The following USP34 variants were observed in gnomAD, a reference collection of about 807,000 sequenced individuals.
USP34 encodes the protein ubiquitin carboxyl-terminal hydrolase 34.
Under a neutral mutation model 460.3 loss-of-function variants are expected in USP34, and 70 were observed. The ratio of observed to expected loss-of-function variants is 0.15; its 90% CI spans 0.13 to 0.19. USP34 has a LOEUF of 0.19. Ranked by LOEUF, USP34 falls within the 10% of genes least tolerant of loss-of-function variation. The pLI is 1.00. For missense variants in USP34, 3,985 were observed against 4,236.2 expected (o/e 0.94, Z 1.65); for synonymous variants, 1,647 against 1,405.3 (o/e 1.17, Z -3.85).
At chr2:61,243,593 G>A (rs1688336548) in intron 51 of USP34, among the ~76,000 whole-genome samples, 1 of 148,478 alleles carries the variant, frequency 6.7e-6, no homozygotes, top group African/African-American at 2.5e-5. Flanking sequence ...GAAACATTCG[G>A]CTGAGTACGG....
rs752888887 is a variant in USP34, at chr2:61,370,313, A to C, written c.1251+8T>G. On this transcript the variant is annotated splice_region_variant and intron_variant, in intron 10 of 79. Transcript: ENST00000398571. ...AAGCACTCAATAAATGTGAGCTGTT[A>C]ATATTACCTGTGCTGCAGCCCAAAT... 7 of 1,612,420 alleles carry C rather than the reference A, an allele frequency of 4.3e-6. No individual in the cohort carries two copies. The highest frequency in any genetic ancestry group is 5.9e-6 in the Non-Finnish European group (7 of 1,179,136).
chr2:61,365,664 C>T (rs1692415019), intron 10 of USP34, among the ~76,000 whole-genome samples: 1 of 152,042 alleles, frequency 6.6e-6, no homozygotes, highest in Non-Finnish European at 1.5e-5. Context: ...AAGGATTTGT[C>T]AGAGTCACAT....
intron 58 of USP34, 46 bp downstream of exon 58, chr2:61,232,406 G>A: frequency 1.4e-6 from 2 of 1,439,102 alleles, no homozygotes; most frequent in Middle Eastern, 1.8e-4. Context: ...TAAATTGAAA[G>A]TAACTTCTTT....
At chr2:61,394,242 A>T (rs767871006) in intron 5 of USP34, among the ~76,000 whole-genome samples, 1 of 152,228 alleles carries the variant, frequency 6.6e-6, no homozygotes, top group Non-Finnish European at 1.5e-5. Flanking sequence ...TACAATCTTC[A>T]TGTGTAAGAG....
chr2:61,204,710 TCTAAAA>T (rs1161294686), intron 72 of USP34, 109 bp from the exon 73 acceptor site: 4 of 815,066 alleles, frequency 4.9e-6, no homozygotes, highest in Non-Finnish European at 8.0e-6. Flanking sequence ...GTTTAATGAG[TCTAAAA>T]CTAAGCTCCT....
chr2:61,467,033 C>T (rs1191952720), intron 1 of USP34, among the ~76,000 whole-genome samples: 2 of 152,044 alleles, frequency 1.3e-5, no homozygotes, highest in Admixed American at 6.6e-5. Context: ...TGGCCAGGCG[C>T]GGTGGCTCAC....
In USP34 at chr2:61,394,999, C is replaced by T. The variant is rs1693472915; in HGVS notation, c.607G>A (p.Val203Ile). The T allele has an allele frequency of 5.7e-6, 9 of 1,579,220 alleles. No homozygotes were observed. In the East Asian group the frequency reaches 1.6e-4, roughly 28 times the overall value. The change falls in exon 5 of 80, where the codon GTA (valine) becomes ATA (isoleucine). Residue 203 changes from valine to isoleucine, a missense_variant. By Grantham distance (29) the Val-to-Ile change is conservative. Around this residue, in one of 14 missense-constraint regions of USP34, gnomAD observed 331 missense variants for 293.7 expected, o/e 1.13. Transcript: ENST00000398571. ...CGAAGCAAATGCAATGGTACTTCTA[C>T]ATCCTGGGAAAATAAAGAAAACATG... ...ILGAFCDMND[V>I]EVPLHLLRYV...
chr2:61,291,275 T>G (rs1689842748), intron 33 of USP34, among the ~76,000 whole-genome samples: 1 of 152,026 alleles, frequency 6.6e-6, no homozygotes, highest in Non-Finnish European at 1.5e-5. Flanking sequence ...CTAGGATAGC[T>G]AAAATAAAAG....
chr2:61,462,181 G>C (rs1045933500), intron 1 of USP34, among the ~76,000 whole-genome samples: 4 of 151,520 alleles, frequency 2.6e-5, no homozygotes, highest in Admixed American at 6.6e-5. Context: ...GGAGGTTGCA[G>C]TGAGCCAAGA....
Position 61,278,248 on chromosome 2 carries a change from C to T in USP34, c.5350G>A (p.Asp1784Asn), listed in dbSNP as rs908035514. Residue 1784 changes from aspartate to asparagine, a missense_variant, in exon 41 of 80, where the codon GAT (aspartate) becomes AAT (asparagine). By Grantham distance (23) the Asp-to-Asn change is conservative. Transcript: ENST00000398571. Reference protein sequence around the residue: ...ILDHQDGNVEDDGLTGLLRLA... With the variant: ...ILDHQDGNVENDGLTGLLRLA... ...CTTAGGAGTCCTGTAAGCCCATCATCTTCTACATTACCATCCTGATGATCA... is the reference window on the plus strand; with the variant it reads ...CTTAGGAGTCCTGTAAGCCCATCATTTTCTACATTACCATCCTGATGATCA... 2 of 1,613,594 alleles carry T rather than the reference C, an allele frequency of 1.2e-6. No individual in the cohort carries two copies. The highest frequency in any genetic ancestry group is 1.7e-6 in the Non-Finnish European group (2 of 1,179,782).
Position 61,188,199 on chromosome 2 carries a change from T to C in USP34, c.10544A>G (p.Gln3515Arg). Reference protein sequence around the residue: ...GHSRGLFSHMQQHDILDTLCR... With the variant: ...GHSRGLFSHMRQHDILDTLCR... ...CAGGGTATCTAAAATGTCATGTTGC[T>C]GCATATGACTAAAGAGTCCTCTGGA... is the stretch of plus-strand genomic sequence containing the variant. The change falls in exon 80 of 80, where the codon CAG (glutamine) becomes CGG (arginine). Residue 3515 changes from glutamine (Q) to arginine (R), a missense_variant. Transcript: ENST00000398571. 1 of 1,614,186 alleles carries C rather than the reference T, an allele frequency of 6.2e-7. No homozygotes were observed. Among genetic ancestry groups the C allele is most frequent in the Non-Finnish European group, 8.5e-7 (1 of 1,180,052 alleles).
Position 61,228,630 on chromosome 2 carries a change from T to A in USP34, c.7443+15A>T. On this transcript the variant is annotated intron_variant, in intron 61 of 79. Transcript: ENST00000398571. ...AGAGCCTCTAATACCTAATGTACGA[T>A]AGAACTGTACTTACATTTTCAGGTC... is the stretch of plus-strand genomic sequence containing the variant. 2.5e-6 allele frequency: 4 copies of A among 1,605,182 alleles called. No individual in the cohort carries two copies. Among genetic ancestry groups the A allele is most frequent in the Non-Finnish European group, 3.4e-6 (4 of 1,175,328 alleles).
intron 35 of USP34, 150 bp downstream of exon 35, chr2:61,284,725 T>A: frequency 1.7e-6 from 1 of 579,090 alleles, no homozygotes; most frequent in Non-Finnish European, 3.0e-6. Flanking sequence ...AACAGGTTAA[T>A]AATACGTAAA....
At chr2:61,257,952 G>A (rs1688765220) in intron 44 of USP34, among the ~76,000 whole-genome samples, 2 of 152,228 alleles carry the variant, frequency 1.3e-5, no homozygotes, top group East Asian at 1.9e-4. Flanking sequence ...TTTACAGGCC[G>A]AATAAACTTT....
chr2:61,197,530 A>G (rs759664656), intron 75 of USP34, among the ~76,000 whole-genome samples: 1 of 152,174 alleles, frequency 6.6e-6, no homozygotes, highest in Non-Finnish European at 1.5e-5. Flanking sequence ...CCGCAACTTC[A>G]GTCCATTTGT....
chr2:61,428,783 G>A (rs1336311715), intron 1 of USP34, among the ~76,000 whole-genome samples: 1 of 152,162 alleles, frequency 6.6e-6, no homozygotes, highest in East Asian at 1.9e-4. Flanking sequence ...TAGCTATGCC[G>A]ATTCAGAGGT....
intron 2 of USP34, among the ~76,000 whole-genome samples, chr2:61,417,761 T>A (rs1387344775): frequency 2.0e-4 from 20 of 100,256 alleles, no homozygotes; most frequent in East Asian, 6.3e-4. Context: ...TTTTTTTTTT[T>A]AGACAAAGTC....
At chr2:61,284,318 C>G (rs960639479) in intron 35 of USP34, among the ~76,000 whole-genome samples, 4 of 151,944 alleles carry the variant, frequency 2.6e-5, no homozygotes, top group Non-Finnish European at 4.4e-5. Context: ...CATGAAAACT[C>G]AAACTGAAAA....
At chr2:61,380,634 G>A (rs1336568721) in intron 6 of USP34, among the ~76,000 whole-genome samples, 2 of 152,134 alleles carry the variant, frequency 1.3e-5, no homozygotes, top group Non-Finnish European at 2.9e-5. Flanking sequence ...TTTGCAATGT[G>A]ACTTTGCTAT....
Sources: gnomAD v4.1 joint callset for allele counts (sites outside exome capture counted in the v4.1 genomes callset) on GRCh38, gnomAD v4.1.1 for gene constraint, gnomAD v4.1.1 regional missense constraint, MANE v1.5 for transcripts, NCBI Gene and HGNC (gene_info 2026-07-23, HGNC 2026-07-21) for gene names.